The following DCAF11 variants were observed in gnomAD, a reference collection of about 807,000 sequenced individuals.
DCAF11 encodes the protein DDB1 and CUL4 associated factor 11, also known as DDB1- and CUL4-associated factor 11.
DCAF11 carries 44 observed loss-of-function variants against 76.1 expected under a neutral mutation model. The observed-to-expected ratio is 0.58, with a 90% CI of 0.45 to 0.74. DCAF11 has a LOEUF of 0.74. DCAF11 is among the 30% of genes least tolerant of loss of function. The pLI is 0.00. For missense variants in DCAF11, 604 were observed against 709.4 expected, an observed-to-expected ratio of 0.85 and a Z score of 1.69; for synonymous variants, 258 against 255.0, an observed-to-expected ratio of 1.01 and a Z score of -0.11.
At chr14:24,121,104 T>A in intron 12 of DCAF11, 113 bp downstream of exon 12, 1 of 1,447,962 alleles carries the variant, frequency 6.9e-7, no homozygotes, top group Non-Finnish European at 9.3e-7. Context: ...AAATCATGGA[T>A]GGAATGGCCA....
At chr14:24,116,347 T>C (rs184478633) in intron 2 of DCAF11, among the ~76,000 whole-genome samples, 2 of 152,218 alleles carry the variant, frequency 1.3e-5, no homozygotes, top group African/African-American at 4.8e-5. Context: ...TTTTTGTTTG[T>C]GTTTTGTGTT....
rs1244493927 is a variant in DCAF11, at chr14:24,118,745, CTT to C, written c.725-4_725-3del. 8 of 1,614,020 alleles carry C rather than the reference CTT, an allele frequency of 5.0e-6. No individual in the cohort carries two copies. The Middle Eastern group carries it at 8.2e-4, about 166-fold the overall frequency. ...AAAGATTCTTGTTTTTCTTGCTTCTCTTAGTTCATATCTGCAATATCTATGGT... is the reference window on the plus strand; with the variant it reads ...AAAGATTCTTGTTTTTCTTGCTTCTCAGTTCATATCTGCAATATCTATGGT... On this transcript the variant is annotated splice_polypyrimidine_tract_variant and splice_region_variant and intron_variant, in intron 7 of 14. Transcript: ENST00000446197.
chr14:24,116,529 T>C (rs1205892436), intron 2 of DCAF11, among the ~76,000 whole-genome samples: 1 of 152,142 alleles, frequency 6.6e-6, no homozygotes, highest in East Asian at 1.9e-4. Flanking sequence ...GCTTAGAATA[T>C]TGTCTTCTGT....
Position 24,115,476 on chromosome 14 carries a change from T to G in DCAF11, c.-119T>G. The stretch of plus-strand genomic sequence containing the variant: ...CGAGGAAGGGTCACCCTCCTAGAGA[T>G]AGCTACTACCCCGTCTCAGGAGACC... On this transcript the variant is annotated 5_prime_UTR_variant, in exon 2 of 15. Transcript: ENST00000446197. 1 of 1,429,314 alleles carries G rather than the reference T, an allele frequency of 7.0e-7. No homozygotes were observed. The highest frequency in any genetic ancestry group is 9.4e-7 in the Non-Finnish European group (1 of 1,066,890). The allele number at this position is 1,429,314 out of a possible 1,614,324, so 88.5% of individuals were successfully genotyped here.
rs186815052 is a variant in DCAF11 at position 24,122,731 on chromosome 14, C to G, written c.1400-240C>G. Among the ~76,000 whole-genome samples, 855 of 152,266 alleles carry G rather than the reference C, an allele frequency of 5.6e-3. 5 individuals carry two copies. The highest frequency in any genetic ancestry group is 9.9e-3 in the Non-Finnish European group (676 of 68,018). On this transcript the variant is annotated intron_variant, in intron 13 of 14. Transcript: ENST00000446197. ...CCAGTGCATTTCCTTAACTGTAGCCCCTATGAAATTTAGCTAAGGGCCAGA... is the reference window on the plus strand; with the variant it reads ...CCAGTGCATTTCCTTAACTGTAGCCGCTATGAAATTTAGCTAAGGGCCAGA...
chr14:24,118,660 C>T, intron 7 of DCAF11, 90 bp from the exon 8 acceptor site: 3 of 1,595,858 alleles, frequency 1.9e-6, no homozygotes, highest in Non-Finnish European at 1.7e-6. Context: ...GCTCCAGTAC[C>T]CTTGTCCCCT....
intron 9 of DCAF11, 68 bp from the exon 10 acceptor site, chr14:24,119,491 T>C: frequency 6.3e-7 from 1 of 1,582,386 alleles, no homozygotes; most frequent in Non-Finnish European, 8.7e-7. Context: ...TGGAACTCTC[T>C]AGAGCATATA....
chr14:24,118,716 C>T, intron 7 of DCAF11, 34 bp from the exon 8 acceptor site: 1 of 1,611,878 alleles, frequency 6.2e-7, no homozygotes. Flanking sequence ...TTCCCCCATC[C>T]CTGAAAGATT....
intron 2 of DCAF11, among the ~76,000 whole-genome samples, 171 bp downstream of exon 2, chr14:24,115,920 C>G (rs577956601): frequency 6.6e-6 from 1 of 152,156 alleles, no homozygotes; most frequent in Admixed American, 6.5e-5. Flanking sequence ...GCTCCATACC[C>G]AGTAAGAGTG....
rs1160333307 is a variant in DCAF11, at chr14:24,119,551, C to G, written c.849-8C>G. ...CTCCAGGACCCTCCTTTATCCCTTC[C>G]CTTTCAGGGCCAATGATGGCTGCCT... is the stretch of plus-strand genomic sequence containing the variant. On this transcript the variant is annotated splice_region_variant and splice_polypyrimidine_tract_variant and intron_variant, in intron 9 of 14. Transcript: ENST00000446197. 1.2e-6 allele frequency: 2 copies of G among 1,614,110 alleles called. No homozygotes were observed. The highest frequency in any genetic ancestry group is 1.7e-6 in the Non-Finnish European group (2 of 1,180,050).
intron 6 of DCAF11, 106 bp downstream of exon 6, chr14:24,118,261 T>C: frequency 1.9e-6 from 3 of 1,568,542 alleles, no homozygotes; most frequent in Non-Finnish European, 2.6e-6. Context: ...GGCTTAAGGA[T>C]GCTTAGCCAG....
At chr14:24,116,834 T>C (rs2037585816) in intron 2 of DCAF11, 83 bp from the exon 3 acceptor site, 2 of 1,595,508 alleles carry the variant, frequency 1.3e-6, no homozygotes, top group African/African-American at 2.7e-5. Flanking sequence ...CCAAGTGGTC[T>C]AAGAGCTAGA....
At chr14:24,118,650 GCTCCAGTA>G (rs1311792377) in intron 7 of DCAF11, 92 bp from the exon 8 acceptor site, 13 of 1,592,380 alleles carry the variant, frequency 8.2e-6, no homozygotes, top group Non-Finnish European at 1.1e-5. Context: ...CTCCCAAAGT[GCTCCAGTA>G]CCCTTGTCCC....
chr14:24,120,984 C>T lies in DCAF11; in HGVS notation c.1239C>T (p.Pro413=), dbSNP rs1381821117. 1 of 1,613,416 alleles carries T rather than the reference C, an allele frequency of 6.2e-7. No homozygotes were observed. The highest frequency in any genetic ancestry group is 1.1e-5 in the South Asian group (1 of 90,982). ...GGGACTATCGGTGGCAGCAAGTGCCCAAAAAAGGTGAGACTGGAAGTACAG... is the reference window on the plus strand; with the variant it reads ...GGGACTATCGGTGGCAGCAAGTGCCTAAAAAAGGTGAGACTGGAAGTACAG... ...QNWDYRWQQV[P]KKAWRKLKLP... The change falls in exon 12 of 15, where the codon CCC becomes CCT. Residue 413 remains proline (P), a synonymous_variant. Coordinates refer to ENST00000446197, the MANE Select transcript of DCAF11 (RefSeq NM_025230.5).
At chr14:24,120,576 A>C (rs1469594786) in intron 11 of DCAF11, among the ~76,000 whole-genome samples, 1 of 152,204 alleles carries the variant, frequency 6.6e-6, no homozygotes, top group Non-Finnish European at 1.5e-5. Flanking sequence ...TTAGTTAATT[A>C]AAAATTAAAA....
Position 24,123,275 on chromosome 14 carries a change from C to A in DCAF11, c.1607C>A (p.Pro536His), listed in dbSNP as rs776340864. ...EECASAPAPV[P>H]QSSTPFSSPQ is the part of the protein sequence containing the mutation. ...TGTGCCAGCGCCCCTGCCCCAGTGC[C>A]CCAATCCTCTACACCCTTTTCCTCA... Residue 536 changes from proline to histidine, a missense_variant, in exon 15 of 15, where the codon CCC (proline) becomes CAC (histidine). By Grantham distance (77) the Pro-to-His change is moderately conservative. Coordinates refer to ENST00000446197, the MANE Select transcript of DCAF11 (RefSeq NM_025230.5). 7.7e-6 allele frequency: 12 copies of A among 1,555,340 alleles called. No homozygotes were observed. The African/African-American group carries it at 1.6e-4, about 21-fold the overall frequency.
chr14:24,115,954 A>T (rs1191663107), intron 2 of DCAF11, among the ~76,000 whole-genome samples: 2 of 152,150 alleles, frequency 1.3e-5, no homozygotes, highest in Admixed American at 6.6e-5. Flanking sequence ...GAGGGTCACC[A>T]AGAGGACCTG....
In DCAF11 at chr14:24,118,591, T is replaced by C. The variant is rs541529010; in HGVS notation, c.724+57T>C. ...CAGCCTGGGACCTGAGGTTTCCATG[T>C]GCCTGTCCCCTCTGAGCCAGGATCC... On this transcript the variant is annotated intron_variant, in intron 7 of 14. Transcript: ENST00000446197. 6.1e-5 allele frequency: 98 copies of C among 1,604,166 alleles called. No homozygotes were observed. The South Asian group carries it at 8.0e-4, about 13-fold the overall frequency.
chr14:24,121,276 TG>T, intron 12 of DCAF11, 88 bp from the exon 13 acceptor site: 1 of 1,532,226 alleles, frequency 6.5e-7, no homozygotes, highest in South Asian at 1.2e-5. Flanking sequence ...CATTTGTCTC[TG>T]GGCATCGAAC....
Sources: allele counts gnomAD v4.1 joint callset (sites outside exome capture counted in the v4.1 genomes callset), GRCh38; gene constraint gnomAD v4.1.1; transcripts MANE v1.5; gene names NCBI Gene and HGNC (gene_info 2026-07-23, HGNC 2026-07-21).